ZSWIM5: variants seen among roughly 807,000 people sequenced by gnomAD.
ZSWIM5 encodes the protein zinc finger SWIM domain-containing protein 5.
ZSWIM5 carries 55 observed loss-of-function variants against 119.6 expected under a neutral mutation model. That is an observed-to-expected ratio of 0.46 (90% CI 0.37 to 0.58). The LOEUF is 0.58. ZSWIM5 is among the 20% of genes least tolerant of loss of function. ZSWIM5 has a pLI of 0.00. For synonymous variants in ZSWIM5, 537 were observed against 606.9 expected (o/e 0.88, Z 1.69); for missense variants, 1,193 against 1,512.8 (o/e 0.79, Z 3.51).
chr1:45,038,311 C>T (rs1255784588), intron 8 of ZSWIM5, among the ~76,000 whole-genome samples: 1 of 152,208 alleles, frequency 6.6e-6, no homozygotes, highest in Non-Finnish European at 1.5e-5. Context: ...TTCCCACTTT[C>T]AGACTGCTCT....
intron 1 of ZSWIM5, among the ~76,000 whole-genome samples, chr1:45,135,891 CA>C (rs1645686296): frequency 6.6e-6 from 1 of 151,278 alleles, no homozygotes; most frequent in Non-Finnish European, 1.5e-5. Flanking sequence ...GATGGTGTCT[CA>C]CTCTGTCACC....
chr1:45,020,198 T>C (rs1219131869), intron 12 of ZSWIM5, 51 bp from the exon 13 acceptor site: 10 of 1,459,912 alleles, frequency 6.8e-6, no homozygotes, highest in Non-Finnish European at 9.6e-6. Flanking sequence ...TGTTGTGACC[T>C]CTCCCTCCCC....
chr1:45,112,812 C>A (rs1207755305), intron 1 of ZSWIM5, among the ~76,000 whole-genome samples: 1 of 152,138 alleles, frequency 6.6e-6, no homozygotes, highest in African/African-American at 2.4e-5. Flanking sequence ...TTCCTTTGTA[C>A]CAGAGCATCA....
chr1:45,185,587 CA>C (rs1299365738), intron 1 of ZSWIM5, among the ~76,000 whole-genome samples: 14 of 152,032 alleles, frequency 9.2e-5, no homozygotes, highest in Admixed American at 8.5e-4. Context: ...AAAAAGTGGG[CA>C]AAGGATATGA....
intron 1 of ZSWIM5, among the ~76,000 whole-genome samples, chr1:45,126,087 T>TA (rs1162934670): frequency 6.6e-6 from 1 of 150,518 alleles, no homozygotes; most frequent in Non-Finnish European, 1.5e-5. Context: ...TAATTAAATT[T>TA]AAAAAAAATT....
chr1:45,018,770 C>T lies in ZSWIM5; in HGVS notation c.3242G>A (p.Cys1081Tyr), dbSNP rs532080559. ...ATVLSDILRR[C>Y]TVTAPGLAGI... ...GGCCAGGCCAGGTGCAGTCACTGTG[C>T]AGCGTCGTAAGATGTCTGAAAGCAC... The change falls in exon 14 of 14, where the codon TGC becomes TAC. Residue 1081 changes from cysteine (C) to tyrosine (Y), a missense_variant. This residue lies in a region of ZSWIM5 where 961 missense variants were observed against 1,290.0 expected (regional missense o/e 0.74). Coordinates refer to ENST00000359600, the MANE Select transcript of ZSWIM5 (RefSeq NM_020883.2). The surrounding 1 kb of genome is among the most constrained non-coding windows in gnomAD (Gnocchi z 6.7). The T allele has an allele frequency of 6.2e-7, 1 of 1,614,238 alleles. No homozygotes were observed. The highest frequency in any genetic ancestry group is 8.5e-7 in the Non-Finnish European group (1 of 1,180,036).
At position 45,085,524 on chromosome 1, in the gene ZSWIM5, G is replaced by GTTT. The variant is rs1387910637; in HGVS notation, c.952+2354_952+2356dup. On this transcript the variant is annotated intron_variant, in intron 2 of 13. Coordinates refer to ENST00000359600, the MANE Select transcript of ZSWIM5 (RefSeq NM_020883.2). ...ATAAGTTCTAGTTTTAGGTTAGTTT[G>GTTT]TTTGTTTTTTTTTTTTTTTTTTTGC... Among the ~76,000 whole-genome samples the GTTT allele has an allele frequency of 4.0e-4, 52 of 128,944 alleles. 1 individual carries two copies. The highest frequency in any genetic ancestry group is 1.5e-3 in the African/African-American group (51 of 34,646). The allele number at this position is 128,944 out of a possible 152,430, so 84.6% of individuals were successfully genotyped here.
At chr1:45,055,125 G>A (rs1372425907) in intron 4 of ZSWIM5, among the ~76,000 whole-genome samples, 1 of 152,238 alleles carries the variant, frequency 6.6e-6, no homozygotes, top group East Asian at 1.9e-4. Context: ...CGAGTAGCTG[G>A]GACTACAGGC....
chr1:45,206,066 G>C lies in ZSWIM5; in HGVS notation c.285C>G (p.Arg95=), dbSNP rs757487188. The C allele has an allele frequency of 6.2e-7, 1 of 1,611,684 alleles. No individual in the cohort carries two copies. The highest frequency in any genetic ancestry group is 8.5e-7 in the Non-Finnish European group (1 of 1,179,314). The change falls in exon 1 of 14, where the codon CGC becomes CGG. Residue 95 remains arginine, a synonymous_variant. Transcript: ENST00000359600. ...RFERIPEPVQ[R]RIVYWSFPRN... ...GCGGGAAGGACCAGTAGACGATGCGGCGCTGCACGGGCTCCGGGATCCGCT... is the reference window on the plus strand; with the variant it reads ...GCGGGAAGGACCAGTAGACGATGCGCCGCTGCACGGGCTCCGGGATCCGCT...
Position 45,147,223 on chromosome 1 carries a change from C to T in ZSWIM5, c.595+58533G>A, listed in dbSNP as rs543331948. Among the ~76,000 whole-genome samples the T allele has an allele frequency of 4.6e-5, 7 of 152,138 alleles. No individual in the cohort carries two copies. The South Asian group carries it at 1.0e-3, about 23-fold the overall frequency. On this transcript the variant is annotated intron_variant, in intron 1 of 13. Transcript: ENST00000359600. ...TGAGTAGCTGGGACCAACAGGCATTCACCATCATGCCCGGCTAGCACTATC... is the reference window on the plus strand; with the variant it reads ...TGAGTAGCTGGGACCAACAGGCATTTACCATCATGCCCGGCTAGCACTATC...
chr1:45,157,928 G>T (rs1160925591), intron 1 of ZSWIM5, among the ~76,000 whole-genome samples: 1 of 151,958 alleles, frequency 6.6e-6, no homozygotes, highest in African/African-American at 2.4e-5. Flanking sequence ...ATGATTGAAT[G>T]TTTTTTCATG....
intron 11 of ZSWIM5, among the ~76,000 whole-genome samples, chr1:45,024,696 C>A (rs139229011): frequency 2.7e-4 from 41 of 152,046 alleles, no homozygotes; most frequent in African/African-American, 8.0e-4. Context: ...ACTCTGTCGC[C>A]CAGGCTGGAG....
chr1:45,199,129 CT>C (rs960675188), intron 1 of ZSWIM5, among the ~76,000 whole-genome samples: 12 of 148,490 alleles, frequency 8.1e-5, no homozygotes, highest in African/African-American at 1.7e-4. Context: ...TTGGTACAGT[CT>C]TTTTTTTTTC....
In ZSWIM5 at chr1:45,171,552, C is replaced by A. The variant is rs537533450; in HGVS notation, c.595+34204G>T. On this transcript the variant is annotated intron_variant, in intron 1 of 13. Transcript: ENST00000359600. ...AAGATTCTTGCTACAGCTCTGTTAT[C>A]ATACTTCTTTCAGCTATAGTTCAGC... is the stretch of plus-strand genomic sequence containing the variant. Among the ~76,000 whole-genome samples the A allele has an allele frequency of 1.1e-4, 17 of 152,140 alleles. No individual in the cohort carries two copies. In the East Asian group the frequency reaches 3.1e-3, roughly 28 times the overall value.
At chr1:45,173,917 A>G (rs1212924109) in intron 1 of ZSWIM5, among the ~76,000 whole-genome samples, 1 of 152,128 alleles carries the variant, frequency 6.6e-6, no homozygotes, top group East Asian at 1.9e-4. Flanking sequence ...TAGGAACCAA[A>G]TATCATTTAA....
chr1:45,037,109 T>A (rs770530228), intron 8 of ZSWIM5, among the ~76,000 whole-genome samples: 47 of 536 alleles, frequency 0.088, no homozygotes, highest in Non-Finnish European at 0.26. Flanking sequence ...CCCCACCTCC[T>A]TTTTTTTTTT....
intron 1 of ZSWIM5, among the ~76,000 whole-genome samples, chr1:45,176,987 C>A (rs1645985027): frequency 6.6e-6 from 1 of 152,074 alleles, no homozygotes; most frequent in African/African-American, 2.4e-5. Context: ...TCCCTTCTTC[C>A]CATCTCACTT....
intron 8 of ZSWIM5, 90 bp downstream of exon 8, chr1:45,038,846 T>C: frequency 6.5e-7 from 1 of 1,528,654 alleles, no homozygotes; most frequent in Non-Finnish European, 8.9e-7. Flanking sequence ...TCCACCCACC[T>C]TGGCCTCCCA....
intron 1 of ZSWIM5, among the ~76,000 whole-genome samples, chr1:45,149,300 T>C (rs1453531591): frequency 6.6e-6 from 1 of 152,162 alleles, no homozygotes; most frequent in Admixed American, 6.5e-5. Flanking sequence ...GATTGTCACA[T>C]GTACAAACAC....
Sources: allele counts gnomAD v4.1 joint callset (sites outside exome capture counted in the v4.1 genomes callset), GRCh38; gene constraint gnomAD v4.1.1; regional missense constraint gnomAD v4.1.1; non-coding constraint Gnocchi (gnomAD v3.1); transcripts MANE v1.5; gene names NCBI Gene and HGNC (gene_info 2026-07-23, HGNC 2026-07-21).